SLC4A8: variants seen among roughly 807,000 people sequenced by gnomAD.
SLC4A8 encodes electroneutral sodium bicarbonate exchanger 1.
A neutral mutation model predicts 125.0 loss-of-function variants in SLC4A8; 40 were observed. That is an observed-to-expected ratio of 0.32 (90% CI 0.25 to 0.42). The LOEUF (loss-of-function observed/expected upper bound fraction) is 0.42. SLC4A8 is among the 10% of genes least tolerant of loss of function. The pLI is 1.00. For synonymous variants in SLC4A8, 456 were observed against 476.0 expected (o/e 0.96, Z 0.55); for missense variants, 863 against 1,355.1 (o/e 0.64, Z 5.70).
intron 1 of SLC4A8, among the ~76,000 whole-genome samples, chr12:51,408,436 C>T (rs1948534612): frequency 1.3e-5 from 2 of 152,004 alleles, no homozygotes; most frequent in Admixed American, 6.6e-5. Flanking sequence ...GGGGTTTCTC[C>T]ATGCTGGCCA....
intron 22 of SLC4A8, chr12:51,502,350 C>T (rs1252876913): frequency 6.6e-6 from 1 of 151,904 alleles, no homozygotes; most frequent in Non-Finnish European, 1.5e-5. Context: ...ATTCTCCTAC[C>T]TCAGCCTCCC....
chr12:51,419,866 C>T (rs1175466772), upstream of SLC4A8, among the ~76,000 whole-genome samples: 1 of 152,170 alleles, frequency 6.6e-6, no homozygotes, highest in African/African-American at 2.4e-5. Context: ...TTGATGATGA[C>T]GAATAGTGGG....
intron 20 of SLC4A8, among the ~76,000 whole-genome samples, chr12:51,494,089 GA>G (rs1951394067): frequency 6.6e-6 from 1 of 152,158 alleles, no homozygotes; most frequent in South Asian, 2.1e-4. Context: ...ACTTGGATCT[GA>G]AAGGTTGATC....
At chr12:51,441,057 T>C (rs1949578128) in intron 2 of SLC4A8, 1 of 1,117,450 alleles carries the variant, frequency 8.9e-7, no homozygotes, top group South Asian at 3.8e-5. Flanking sequence ...TATTAACAAG[T>C]AACCTGTTCT....
chr12:51,471,196 G>A (rs935464402), intron 13 of SLC4A8, 91 bp from the exon 14 acceptor site: 7 of 1,270,322 alleles, frequency 5.5e-6, no homozygotes, highest in African/African-American at 2.9e-5. Context: ...TCCAGTGCTT[G>A]TTTAGATGAA....
intron 9 of SLC4A8, 56 bp from the exon 10 acceptor site, chr12:51,462,247 CATTGGTG>C: frequency 2.2e-6 from 3 of 1,393,504 alleles, no homozygotes; most frequent in Non-Finnish European, 3.1e-6. Context: ...TCACCATATC[CATTGGTG>C]ATTGTTTCAT....
intron 1 of SLC4A8, among the ~76,000 whole-genome samples, chr12:51,425,698 T>C (rs1948948837): frequency 6.6e-6 from 1 of 152,158 alleles, no homozygotes; most frequent in Non-Finnish European, 1.5e-5. Flanking sequence ...GCGGCTAATG[T>C]AAGGAAAAGC....
Position 51,438,312 on chromosome 12 carries a change from C to T in SLC4A8, c.49-2396C>T, listed in dbSNP as rs560754355. Among the ~76,000 whole-genome samples the T allele has an allele frequency of 3.3e-5, 5 of 152,262 alleles. No homozygotes were observed. The East Asian group carries it at 9.6e-4, about 29-fold the overall frequency. ...TTGCCTTCCTAGCCTCTAATATTCT[C>T]TCTTATACTTCTTACTTCTCTGAGA... On this transcript the variant is annotated intron_variant, in intron 1 of 24. Transcript: ENST00000453097.
chr12:51,393,450 A>G (rs1397195794), intron 1 of SLC4A8, among the ~76,000 whole-genome samples: 1 of 152,144 alleles, frequency 6.6e-6, no homozygotes, highest in Non-Finnish European at 1.5e-5. Context: ...GAGTGAGTAG[A>G]TCCTAGCAAG....
intron 16 of SLC4A8, chr12:51,480,340 G>T: frequency 8.5e-7 from 1 of 1,175,428 alleles, no homozygotes; most frequent in South Asian, 1.6e-5. Flanking sequence ...ATACAAGGCA[G>T]ATTTCCCTGG....
chr12:51,451,029 G>A lies in SLC4A8; in HGVS notation c.277+7G>A. On this transcript the variant is annotated splice_region_variant and intron_variant, in intron 3 of 24. Transcript: ENST00000453097. ...CTGGAAGCCCTGGCCCACGGTAAGG[G>A]CCTTGGGAGACAGGGCGGGTGTCCA... 1.3e-6 allele frequency: 2 copies of A among 1,483,014 alleles called. No homozygotes were observed. Among genetic ancestry groups the A allele is most frequent in the South Asian group, 2.7e-5 (2 of 73,226 alleles). The allele number at this position is 1,483,014 out of a possible 1,614,324, so 91.9% of individuals were successfully genotyped here.
At chr12:51,398,406 C>T (rs530541603) in intron 1 of SLC4A8, among the ~76,000 whole-genome samples, 1 of 152,310 alleles carries the variant, frequency 6.6e-6, no homozygotes, top group African/African-American at 2.4e-5. Context: ...ACTTAAATCA[C>T]ACAAGATCAT....
At chr12:51,431,132 G>C (rs1949173085) in intron 1 of SLC4A8, among the ~76,000 whole-genome samples, 4 of 152,122 alleles carry the variant, frequency 2.6e-5, no homozygotes, top group Admixed American at 2.0e-4. Flanking sequence ...CATCTCCAAA[G>C]CCAGAAACAT....
rs150465334 is a variant in SLC4A8, at chr12:51,503,588, A to G, written c.3082-441A>G. Among the ~76,000 whole-genome samples the G allele has an allele frequency of 9.2e-3, 1,403 of 152,368 alleles. 7 individuals carry two copies. Among genetic ancestry groups the G allele is most frequent in the Non-Finnish European group, 0.015 (994 of 68,036 alleles). ...TGTTAATAATTTGTTTATTTGAATT[A>G]GCATCCAAAGAAGAGCCATATATTG... On this transcript the variant is annotated intron_variant, in intron 22 of 24. Coordinates refer to ENST00000453097, the MANE Select transcript of SLC4A8 (RefSeq NM_001039960.3).
At chr12:51,434,363 G>A (rs1207418720) in intron 1 of SLC4A8, among the ~76,000 whole-genome samples, 1 of 152,026 alleles carries the variant, frequency 6.6e-6, no homozygotes, top group Non-Finnish European at 1.5e-5. Context: ...TCATTTAGTT[G>A]TTTACATTTA....
Position 51,406,163 on chromosome 12 carries a change from T to C in SLC4A8, c.-112+14675T>C, listed in dbSNP as rs1388028457. 2.6e-5 allele frequency among the ~76,000 whole-genome samples: 4 copies of C among 152,270 alleles called. No homozygotes were observed. In the East Asian group the frequency reaches 7.7e-4, roughly 29 times the overall value. ...GTAGTTGCATTTACTTCTGCGTAAG[T>C]GGGGTTAGGACCAGAGAGGGAAAAG... On this transcript the variant is annotated intron_variant, in intron 1 of 24. Transcript: ENST00000358657.
intron 1 of SLC4A8, among the ~76,000 whole-genome samples, chr12:51,432,453 G>A (rs1472820775): frequency 6.8e-6 from 1 of 147,292 alleles, no homozygotes; most frequent in Non-Finnish European, 1.5e-5. Context: ...GGCTGGGTGT[G>A]GTGGCTCACA....
chr12:51,484,437 C>T (rs368455010), intron 16 of SLC4A8, among the ~76,000 whole-genome samples: 5 of 152,240 alleles, frequency 3.3e-5, no homozygotes, highest in East Asian at 1.9e-4. Context: ...ATGTACGTGC[C>T]GTAGGAGTTC....
intron 1 of SLC4A8, among the ~76,000 whole-genome samples, chr12:51,430,094 T>C (rs897549231): frequency 2.6e-5 from 4 of 152,058 alleles, no homozygotes; most frequent in African/African-American, 9.7e-5. Context: ...TTTGGGCAAT[T>C]ACCAAGGCTT....
Sources: gnomAD v4.1 joint callset for allele counts (sites outside exome capture counted in the v4.1 genomes callset) on GRCh38, gnomAD v4.1.1 for gene constraint, MANE v1.5 for transcripts, NCBI Gene and HGNC (gene_info 2026-07-23, HGNC 2026-07-21) for gene names.